The following FANCC variants were observed in gnomAD, a reference collection of about 807,000 sequenced individuals.
FANCC encodes FA complementation group C.
FANCC carries 55 observed loss-of-function variants against 71.3 expected under a neutral mutation model. The observed-to-expected ratio is 0.77, with a 90% CI of 0.62 to 0.97. The LOEUF (loss-of-function observed/expected upper bound fraction) is 0.97. Among genes scored for constraint, FANCC ranks in the 50% least tolerant of loss-of-function variants. FANCC has a pLI of 0.00. For missense variants in FANCC, 678 were observed against 670.9 expected (o/e 1.01, Z -0.12); for synonymous variants, 275 against 244.9 (o/e 1.12, Z -1.15).
intron 4 of FANCC, among the ~76,000 whole-genome samples, chr9:95,198,638 C>G (rs1827605040): frequency 6.6e-6 from 1 of 152,186 alleles, no homozygotes. Flanking sequence ...TCAGAGAGCC[C>G]ATGTGTAGAT....
chr9:95,315,948 A>G (rs1480754339), intron 1 of FANCC, among the ~76,000 whole-genome samples: 1 of 152,258 alleles, frequency 6.6e-6, no homozygotes, highest in Non-Finnish European at 1.5e-5. Context: ...TTGCACATAC[A>G]TGCAGCAACA....
intron 4 of FANCC, among the ~76,000 whole-genome samples, chr9:95,192,941 G>T (rs931376339): frequency 3.9e-5 from 6 of 152,154 alleles, no homozygotes; most frequent in African/African-American, 1.4e-4. Flanking sequence ...TCTCTTGTCA[G>T]AAAGTTCCTT....
intron 6 of FANCC, among the ~76,000 whole-genome samples, chr9:95,163,470 A>G (rs1830870088): frequency 6.6e-6 from 1 of 152,226 alleles, no homozygotes; most frequent in Admixed American, 6.5e-5. Flanking sequence ...TCTGTAAAAA[A>G]TAAAAGAAAA....
At chr9:95,152,224 GCT>G (rs1163117259) in intron 6 of FANCC, among the ~76,000 whole-genome samples, 2 of 152,136 alleles carry the variant, frequency 1.3e-5, no homozygotes, top group African/African-American at 4.8e-5. Context: ...TGTAGTCAAG[GCT>G]CTGTTTGAGG....
At chr9:95,241,532 A>C (rs1360087558) in intron 3 of FANCC, among the ~76,000 whole-genome samples, 1 of 152,178 alleles carries the variant, frequency 6.6e-6, no homozygotes, top group Non-Finnish European at 1.5e-5. Context: ...CTAGAAACTG[A>C]AGATGTCAGT....
intron 8 of FANCC, among the ~76,000 whole-genome samples, chr9:95,132,689 T>TA (rs1827093979): frequency 6.6e-6 from 1 of 152,186 alleles, no homozygotes; most frequent in Non-Finnish European, 1.5e-5. Flanking sequence ...TTTTAGATGT[T>TA]AAATACATAC....
At chr9:95,127,773 C>T (rs1453078913) in intron 8 of FANCC, among the ~76,000 whole-genome samples, 1 of 152,222 alleles carries the variant, frequency 6.6e-6, no homozygotes, top group South Asian at 2.1e-4. Context: ...GAGGCAGGAC[C>T]GCGCCTCCTC....
intron 13 of FANCC, among the ~76,000 whole-genome samples, chr9:95,108,400 A>G (rs2071628140): frequency 6.6e-6 from 1 of 152,168 alleles, no homozygotes; most frequent in Non-Finnish European, 1.5e-5. Context: ...GGGTCTGCAA[A>G]AATGTCAGGG....
chr9:95,264,439 T>C (rs1293020234), intron 1 of FANCC, among the ~76,000 whole-genome samples: 1 of 152,214 alleles, frequency 6.6e-6, no homozygotes, highest in African/African-American at 2.4e-5. Context: ...ACAAAGCTCA[T>C]TTTAAACCAC....
intron 1 of FANCC, among the ~76,000 whole-genome samples, chr9:95,277,980 T>C (rs1483259872): frequency 6.6e-6 from 1 of 152,172 alleles, no homozygotes; most frequent in Admixed American, 6.5e-5. Context: ...TAAATGCACA[T>C]TTTTTCTCTC....
At chr9:95,292,631 C>T (rs540321334) in intron 1 of FANCC, 1 of 1,415,146 alleles carries the variant, frequency 7.1e-7, no homozygotes, top group Non-Finnish European at 1.0e-6. Flanking sequence ...CCAACAGCCC[C>T]GCGCTCAACA....
At chr9:95,228,279 C>T (rs1829755797) in intron 4 of FANCC, among the ~76,000 whole-genome samples, 1 of 152,200 alleles carries the variant, frequency 6.6e-6, no homozygotes. Context: ...TATTGCCTCA[C>T]ACCATTAATT....
At chr9:95,231,305 G>A (rs1431680157) in intron 4 of FANCC, among the ~76,000 whole-genome samples, 3 of 152,180 alleles carry the variant, frequency 2.0e-5, no homozygotes, top group South Asian at 2.1e-4. Flanking sequence ...TTGCAAACAC[G>A]TTTCCTAAAA....
At chr9:95,212,366 T>A (rs899718573) in intron 4 of FANCC, among the ~76,000 whole-genome samples, 22 of 152,044 alleles carry the variant, frequency 1.4e-4, no homozygotes, top group African/African-American at 5.3e-4. Flanking sequence ...AAAAGCAGCC[T>A]AAGTAGAAAA....
chr9:95,286,776 C>A (rs1252807212), intron 1 of FANCC, among the ~76,000 whole-genome samples: 2 of 152,136 alleles, frequency 1.3e-5, no homozygotes, highest in Non-Finnish European at 2.9e-5. Flanking sequence ...TTTCCTGGCA[C>A]GTGCAAAGGC....
chr9:95,303,321 A>G (rs985927492), intron 1 of FANCC, among the ~76,000 whole-genome samples: 2 of 152,206 alleles, frequency 1.3e-5, no homozygotes, highest in African/African-American at 4.8e-5. Flanking sequence ...CTAACTCACA[A>G]AGGGTGATAT....
intron 4 of FANCC, among the ~76,000 whole-genome samples, chr9:95,239,497 T>TA (rs1201518333): frequency 1.3e-5 from 2 of 152,196 alleles, no homozygotes; most frequent in Non-Finnish European, 2.9e-5. Context: ...ATGAGCTATC[T>TA]AATACAAAAT....
intron 3 of FANCC, among the ~76,000 whole-genome samples, chr9:95,243,494 G>A (rs1184034013): frequency 6.6e-6 from 1 of 151,888 alleles, no homozygotes; most frequent in Admixed American, 6.6e-5. Flanking sequence ...TAATTAAAAA[G>A]CAATTTTGGG....
At chr9:95,195,932 G>A (rs1447098563) in intron 4 of FANCC, among the ~76,000 whole-genome samples, 1 of 152,188 alleles carries the variant, frequency 6.6e-6, no homozygotes, top group East Asian at 1.9e-4. Context: ...CGGAGATGGA[G>A]TTGACTGTTG....
Sources: allele counts gnomAD v4.1 joint callset (sites outside exome capture counted in the v4.1 genomes callset), GRCh38; gene constraint gnomAD v4.1.1; transcripts MANE v1.5; gene names NCBI Gene and HGNC (gene_info 2026-07-23, HGNC 2026-07-21).